The following TFB1M variants were observed in gnomAD, a reference collection of about 807,000 sequenced individuals.
TFB1M encodes the protein transcription factor B1, mitochondrial.
In TFB1M, 27 loss-of-function variants were observed where a neutral mutation model predicts 31.1. That is an observed-to-expected ratio of 0.87 (90% CI 0.64 to 1.20). TFB1M has a LOEUF of 1.20. Among genes scored for constraint, TFB1M ranks in the 50% most tolerant of loss-of-function variants. The pLI, the probability that TFB1M is intolerant of heterozygous loss-of-function variation, is 0.00. For synonymous variants in TFB1M, 166 were observed against 151.8 expected (o/e 1.09, Z -0.69); for missense variants, 394 against 418.7 (o/e 0.94, Z 0.51).
chr6:155,304,942 A>G (rs892324358), intron 2 of TFB1M, among the ~76,000 whole-genome samples: 8 of 151,134 alleles, frequency 5.3e-5, no homozygotes, highest in African/African-American at 1.9e-4. Context: ...ATTTTTGACA[A>G]TAGTACTAAG....
chr6:155,238,891 C>T, the TFB1M span, among the ~76,000 whole-genome samples: 4 of 152,156 alleles, frequency 2.6e-5, no homozygotes, highest in African/African-American at 9.7e-5. Flanking sequence ...AACTGAAAGA[C>T]TAGCCAGAGA....
rs1290092941 is a variant in TFB1M at position 155,257,491 on chromosome 6, CTGTT to C, written c.*341_*344del. ...AAATCCTCTGGGCATTTTCTTTCAG[CTGTT>C]TGTTAGTTTTTGCTTTATTTAAAGC... On this transcript the variant is annotated 3_prime_UTR_variant, in exon 7 of 7. Coordinates refer to ENST00000367166, the MANE Select transcript of TFB1M (RefSeq NM_016020.4). 14 of 333,786 alleles carry C rather than the reference CTGTT, an allele frequency of 4.2e-5. No homozygotes were observed. The highest frequency in any genetic ancestry group is 6.6e-5 in the Non-Finnish European group (12 of 182,608). 20.7% of individuals were successfully genotyped at this position (333,786 alleles called of 1,614,324 possible).
intron 5 of TFB1M, chr6:155,275,539 T>G: frequency 1.6e-6 from 1 of 626,456 alleles, no homozygotes; most frequent in South Asian, 2.0e-5. Flanking sequence ...GATGTGTTCT[T>G]GGCTCCTACT....
At chr6:155,247,337 T>C in the TFB1M span, among the ~76,000 whole-genome samples, 3 of 148,518 alleles carry the variant, frequency 2.0e-5, no homozygotes, top group Non-Finnish European at 4.5e-5. Context: ...TTTTTGATGT[T>C]GTTTTTTTTG....
At chr6:155,307,180 C>T (rs1554257854) in intron 2 of TFB1M, among the ~76,000 whole-genome samples, 1 of 150,332 alleles carries the variant, frequency 6.7e-6, no homozygotes, top group Non-Finnish European at 1.5e-5. Flanking sequence ...TACACACAGA[C>T]AAATCCTCAG....
intron 5 of TFB1M, among the ~76,000 whole-genome samples, chr6:155,266,618 G>A (rs1011079778): frequency 4.6e-5 from 7 of 152,002 alleles, no homozygotes; most frequent in Admixed American, 1.3e-4. Flanking sequence ...AGGCCAAAGC[G>A]GGCGAATCAT....
chr6:155,277,182 T>C (rs1785265972), intron 5 of TFB1M, among the ~76,000 whole-genome samples: 1 of 152,250 alleles, frequency 6.6e-6, no homozygotes, highest in Non-Finnish European at 1.5e-5. Context: ...ATTTATCCTA[T>C]CACATTCTGG....
rs1284955000 is a variant in TFB1M, at chr6:155,282,401, ACT to A, written c.666+2755_666+2756del. Among the ~76,000 whole-genome samples, 4 of 152,290 alleles carry A rather than the reference ACT, an allele frequency of 2.6e-5. No individual in the cohort carries two copies. In the East Asian group the frequency reaches 7.7e-4, roughly 29 times the overall value. On this transcript the variant is annotated intron_variant, in intron 5 of 6. Transcript: ENST00000367166. ...GATTGAGAAACAGAAGGGACAGCAG[ACT>A]CTCACAGGAAAAAATCCCGAAAGTG...
At chr6:155,250,155 G>A in the TFB1M span, among the ~76,000 whole-genome samples, 1 of 152,092 alleles carries the variant, frequency 6.6e-6, no homozygotes, top group African/African-American at 2.4e-5. Flanking sequence ...TCATTACACT[G>A]GTTTAAAATA....
chr6:155,298,618 ATATACT>A lies in TFB1M; in HGVS notation c.286-39_286-34del, dbSNP rs1214196664. The A allele has an allele frequency of 2.1e-6, 3 of 1,403,620 alleles. No homozygotes were observed. In the African/African-American group the frequency reaches 4.2e-5, roughly 20 times the overall value. 86.9% of individuals were successfully genotyped at this position (1,403,620 alleles called of 1,614,324 possible). A position where few individuals can be genotyped will look rare whatever the true frequency, so the allele number is the denominator to read the frequency against. ...ATAAAAAGATCAGTAAAATGAGCTC[ATATACT>A]TATGCGAGTAACAAAACTAAACTTT... On this transcript the variant is annotated intron_variant, in intron 2 of 6. Transcript: ENST00000367166.
At chr6:155,296,471 G>A (rs965735974) in intron 4 of TFB1M, among the ~76,000 whole-genome samples, 1 of 147,766 alleles carries the variant, frequency 6.8e-6, no homozygotes, top group Non-Finnish European at 1.5e-5. Context: ...GTAGAGACGG[G>A]GTTTCACCAT....
At chr6:155,242,469 G>T in the TFB1M span, among the ~76,000 whole-genome samples, 1 of 152,186 alleles carries the variant, frequency 6.6e-6, no homozygotes, top group East Asian at 1.9e-4. Context: ...GTGGAATATG[G>T]TGAGGGAAGG....
rs189153952 is a variant in TFB1M, at chr6:155,307,787, C to T, written c.285+3401G>A. Reference sequence around the variant, plus strand: ...CACACATAAAATACACTAACGATAGCAGATGAGCTTAAAAAAAATGCAAAA... The same window carrying T: ...CACACATAAAATACACTAACGATAGTAGATGAGCTTAAAAAAAATGCAAAA... On this transcript the variant is annotated intron_variant, in intron 2 of 6. Coordinates refer to ENST00000367166, the MANE Select transcript of TFB1M (RefSeq NM_016020.4). Among the ~76,000 whole-genome samples, 34 of 151,838 alleles carry T rather than the reference C, an allele frequency of 2.2e-4. No homozygotes were observed. In the East Asian group the frequency reaches 6.0e-3, roughly 27 times the overall value.
At chr6:155,271,636 T>C (rs1457227557) in intron 5 of TFB1M, among the ~76,000 whole-genome samples, 1 of 152,052 alleles carries the variant, frequency 6.6e-6, no homozygotes, top group South Asian at 2.1e-4. Flanking sequence ...AAGTCAAGAA[T>C]ACCAGGGAAA....
At chr6:155,259,527 G>C (rs563698683) in intron 6 of TFB1M, among the ~76,000 whole-genome samples, 2 of 152,382 alleles carry the variant, frequency 1.3e-5, no homozygotes, top group South Asian at 2.1e-4. Context: ...TTGTGAAAGA[G>C]AGAATTACAA....
chr6:155,231,683 C>A, the TFB1M span, among the ~76,000 whole-genome samples: 1 of 152,232 alleles, frequency 6.6e-6, no homozygotes, highest in Admixed American at 6.5e-5. Flanking sequence ...GACCTGGCTG[C>A]AGTGGGGTAG....
the TFB1M span, among the ~76,000 whole-genome samples, chr6:155,239,558 C>G: frequency 6.6e-6 from 1 of 152,240 alleles, no homozygotes; most frequent in South Asian, 2.1e-4. Context: ...CAGCCAAAGT[C>G]TGGTGGATAC....
At chr6:155,255,080 C>T (rs1783914501), downstream of TFB1M, 1 of 155,150 alleles carries the variant, frequency 6.4e-6, no homozygotes, top group Admixed American at 6.2e-5. Flanking sequence ...GCATTCAATA[C>T]ATTTCATGAG....
At chr6:155,287,478 G>T (rs188063224) in intron 4 of TFB1M, among the ~76,000 whole-genome samples, 1 of 151,766 alleles carries the variant, frequency 6.6e-6, no homozygotes, top group Non-Finnish European at 1.5e-5. Context: ...AAATAATCAA[G>T]TCACAGAAAA....
Sources: gnomAD v4.1 joint callset for allele counts (sites outside exome capture counted in the v4.1 genomes callset) on GRCh38, gnomAD v4.1.1 for gene constraint, MANE v1.5 for transcripts, NCBI Gene and HGNC (gene_info 2026-07-23, HGNC 2026-07-21) for gene names.